TSPAN11: variants seen among roughly 807,000 people sequenced by gnomAD.
The protein encoded by TSPAN11 is tetraspanin 11.
Under a neutral mutation model 32.9 loss-of-function variants are expected in TSPAN11, and 29 were observed. That is an observed-to-expected ratio of 0.88 (90% CI 0.66 to 1.20). The LOEUF is 1.20. Among genes scored for constraint, TSPAN11 ranks in the 50% most tolerant of loss-of-function variants. The probability of loss-of-function intolerance (pLI) is 0.00; values close to 1 mark genes in which losing one functional copy is unlikely to be tolerated. For synonymous variants in TSPAN11, 140 were observed against 141.3 expected (o/e 0.99, Z 0.07); for missense variants, 283 against 329.1 (o/e 0.86, Z 1.08).
At chr12:30,969,727 G>T (rs1938810708) in intron 3 of TSPAN11, among the ~76,000 whole-genome samples, 1 of 152,100 alleles carries the variant, frequency 6.6e-6, no homozygotes, top group Admixed American at 6.5e-5. Context: ...GCATTGATGG[G>T]ACTGCCTAAT....
chr12:30,962,288 G>A (rs1938628653), intron 2 of TSPAN11, among the ~76,000 whole-genome samples: 2 of 152,210 alleles, frequency 1.3e-5, no homozygotes, highest in South Asian at 4.1e-4. Context: ...TGAAGAAATA[G>A]TATCTATTAA....
At chr12:31,015,693 G>A in the TSPAN11 span, 1 of 152,200 alleles carries the variant, frequency 6.6e-6, no homozygotes, top group Non-Finnish European at 1.5e-5. This position sits in a 1 kb window ranked among gnomAD's most constrained non-coding sequence, Gnocchi z 4.9. Context: ...TCTGACCATA[G>A]TCTCACCTCA....
At chr12:30,981,087 G>A (rs2140305364) in intron 5 of TSPAN11, among the ~76,000 whole-genome samples, 1 of 152,292 alleles carries the variant, frequency 6.6e-6, no homozygotes, top group East Asian at 1.9e-4. Flanking sequence ...CAGGGCCAGG[G>A]GCAGATGAGG....
chr12:30,985,761 G>A (rs532384697), intron 7 of TSPAN11, among the ~76,000 whole-genome samples: 15 of 152,346 alleles, frequency 9.8e-5, no homozygotes, highest in African/African-American at 3.6e-4. Flanking sequence ...CAGGACTGCG[G>A]ATGCCCAGAG....
chr12:31,008,183 G>T, the TSPAN11 span, among the ~76,000 whole-genome samples: 22 of 150,470 alleles, frequency 1.5e-4, no homozygotes, highest in African/African-American at 5.4e-4. Context: ...ACTTCCCTGT[G>T]GCTAACACAC....
chr12:30,941,612 A>G (rs1428817444), intron 1 of TSPAN11, among the ~76,000 whole-genome samples: 1 of 152,158 alleles, frequency 6.6e-6, no homozygotes, highest in Non-Finnish European at 1.5e-5. Flanking sequence ...CCCTTAAGTT[A>G]CAATAGTGTT....
At chr12:30,983,800 T>C (rs556133334) in intron 7 of TSPAN11, among the ~76,000 whole-genome samples, 1 of 152,152 alleles carries the variant, frequency 6.6e-6, no homozygotes, top group Admixed American at 6.5e-5. Flanking sequence ...GTATAAGTAG[T>C]CTAGAGATGA....
intron 3 of TSPAN11, among the ~76,000 whole-genome samples, chr12:30,964,820 G>A (rs899393901): frequency 1.4e-4 from 21 of 152,224 alleles, no homozygotes; most frequent in African/African-American, 4.8e-4. Context: ...TTGTTGTTGT[G>A]TTTACATTTG....
intron 2 of TSPAN11, among the ~76,000 whole-genome samples, chr12:30,961,027 A>AG (rs1169780239): frequency 1.0e-5 from 1 of 98,384 alleles, no homozygotes; most frequent in Non-Finnish European, 2.4e-5. Context: ...CGACAGAGCG[A>AG]GGAAAAAAAA....
chr12:31,011,315 T>C, the TSPAN11 span, among the ~76,000 whole-genome samples: 6 of 152,196 alleles, frequency 3.9e-5, no homozygotes, highest in Non-Finnish European at 8.8e-5. Flanking sequence ...CAATGCAGAA[T>C]ACTCATGACT....
intron 4 of TSPAN11, 114 bp from the exon 5 acceptor site, chr12:30,979,452 A>T: frequency 1.1e-6 from 1 of 931,170 alleles, no homozygotes; most frequent in Non-Finnish European, 1.7e-6. Context: ...GCATCACACC[A>T]TCCACAGTCC....
chr12:30,931,361 G>T (rs765452135), intron 1 of TSPAN11, among the ~76,000 whole-genome samples: 11 of 152,164 alleles, frequency 7.2e-5, no homozygotes, highest in Non-Finnish European at 1.6e-4. Context: ...AAGGACAGAA[G>T]CAGACTGGTG....
At chr12:30,926,865 C>T in intron 1 of TSPAN11, 69 bp downstream of exon 1, 30 of 1,161,176 alleles carry the variant, frequency 2.6e-5, no homozygotes, top group Non-Finnish European at 3.3e-5. Flanking sequence ...GGAGAGGCGC[C>T]TCCACCTCCG....
chr12:30,970,331 C>G (rs554003466), intron 3 of TSPAN11, among the ~76,000 whole-genome samples: 135 of 152,132 alleles, frequency 8.9e-4, no homozygotes, highest in Non-Finnish European at 1.5e-3. Context: ...GTAGTCCCAG[C>G]TTGAATCCTA....
At chr12:30,963,433 G>A (rs1938654912) in intron 2 of TSPAN11, among the ~76,000 whole-genome samples, 1 of 152,246 alleles carries the variant, frequency 6.6e-6, no homozygotes, top group Non-Finnish European at 1.5e-5. Context: ...GGGAAGAAGT[G>A]CTCTGAAGGG....
intron 7 of TSPAN11, chr12:30,986,920 T>C (rs1939211657): frequency 6.6e-6 from 1 of 152,144 alleles, no homozygotes; most frequent in Non-Finnish European, 1.5e-5. Context: ...CTCAGACCTG[T>C]CTCTTCATTT....
intron 1 of TSPAN11, among the ~76,000 whole-genome samples, chr12:30,935,780 C>T (rs777883358): frequency 4.6e-5 from 7 of 152,162 alleles, no homozygotes; most frequent in Admixed American, 2.0e-4. Flanking sequence ...CAGCCTCCTC[C>T]GCTCCCCTAG....
At chr12:30,984,536 T>C (rs993244487) in intron 7 of TSPAN11, among the ~76,000 whole-genome samples, 1 of 150,020 alleles carries the variant, frequency 6.7e-6, no homozygotes, top group Non-Finnish European at 1.5e-5. Flanking sequence ...CAAGGAGTAG[T>C]GTTCTTCGCT....
rs185953115 is a variant in TSPAN11 at position 30,976,024 on chromosome 12, G to A, written c.277-2537G>A. Among the ~76,000 whole-genome samples the A allele has an allele frequency of 3.2e-4, 49 of 152,292 alleles. No individual in the cohort carries two copies. In the East Asian group the frequency reaches 6.0e-3, roughly 19 times the overall value. Reference sequence around the variant, plus strand: ...GAAAGGAGCCGCAGGGCCCAGCAGCGCATGGCAGGGGAGAGCCCCTGAGTC... The same window carrying A: ...GAAAGGAGCCGCAGGGCCCAGCAGCACATGGCAGGGGAGAGCCCCTGAGTC... On this transcript the variant is annotated intron_variant, in intron 3 of 7. Coordinates refer to ENST00000546076, the MANE Select transcript of TSPAN11 (RefSeq NM_001370302.1).
Sources: gnomAD v4.1 joint callset for allele counts (sites outside exome capture counted in the v4.1 genomes callset) on GRCh38, gnomAD v4.1.1 for gene constraint, Gnocchi (gnomAD v3.1) non-coding constraint, MANE v1.5 for transcripts, NCBI Gene and HGNC (gene_info 2026-07-23, HGNC 2026-07-21) for gene names.